WNT2B: variants seen among roughly 807,000 people sequenced by gnomAD.
WNT2B encodes the protein protein Wnt-2b.
Under a neutral mutation model 40.5 loss-of-function variants are expected in WNT2B, and 19 were observed. The observed-to-expected ratio is 0.47, with a 90% CI of 0.33 to 0.69. WNT2B has a LOEUF of 0.69. WNT2B is among the 30% of genes least tolerant of loss of function. The pLI is 0.02. For missense variants in WNT2B, 467 were observed against 556.4 expected (o/e 0.84, Z 1.62); for synonymous variants, 220 against 211.9 (o/e 1.04, Z -0.33).
At position 112,525,817 on chromosome 1, in the gene WNT2B, T is replaced by C; in HGVS notation, c.*5308T>C. 1.6e-6 allele frequency: 1 copy of C among 621,658 alleles called. No individual in the cohort carries two copies. The highest frequency in any genetic ancestry group is 3.0e-5 in the East Asian group (1 of 32,938). 38.5% of individuals were successfully genotyped at this position (621,658 alleles called of 1,614,324 possible). ...AAAAGGAAGACAATTTCATCTACAG[T>C]TGTCCTTTTTGACAGCTTCCAAGGG... On this transcript the variant is annotated 3_prime_UTR_variant, in exon 5 of 5. Transcript: ENST00000369684.
intron 1 of WNT2B, among the ~76,000 whole-genome samples, chr1:112,502,817 GGA>G (rs1336176150): frequency 6.6e-6 from 1 of 152,194 alleles, no homozygotes; most frequent in Non-Finnish European, 1.5e-5. Context: ...GGAAATTGGG[GGA>G]GAGGGGATTG....
rs779591512 is a variant in WNT2B at position 112,514,913 on chromosome 1, T to C, written c.222T>C (p.Asn74=). ...TGGGGGCACGAGTGATCTGTGACAA[T>C]ATCCCTGGTTTGGTGAGCCGGCAGC... ...GALGARVICD[N]IPGLVSRQRQ... The change falls in exon 2 of 5, where the codon AAT becomes AAC. Residue 74 remains asparagine, a synonymous_variant. Transcript: ENST00000369684. 9 of 1,614,200 alleles carry C rather than the reference T, an allele frequency of 5.6e-6. No homozygotes were observed. The highest frequency in any genetic ancestry group is 2.2e-5 in the East Asian group (1 of 44,886).
At chr1:112,487,617 G>T (rs1164867589) in intron 1 of WNT2B, among the ~76,000 whole-genome samples, 5 of 152,150 alleles carry the variant, frequency 3.3e-5, no homozygotes, top group African/African-American at 1.2e-4. Flanking sequence ...TATTGAAGTA[G>T]TTTGTGGAAA....
At chr1:112,516,083 G>C (rs1158646491) in intron 2 of WNT2B, 57 bp from the exon 3 acceptor site, 1 of 1,558,122 alleles carries the variant, frequency 6.4e-7, no homozygotes, top group African/African-American at 1.4e-5. Context: ...ATGGGCTGAA[G>C]AAGGGGACAG....
Position 112,525,833 on chromosome 1 carries a change from C to G in WNT2B, c.*5324C>G. On this transcript the variant is annotated 3_prime_UTR_variant, in exon 5 of 5. Transcript: ENST00000369684. ...CATCTACAGTTGTCCTTTTTGACAG[C>G]TTCCAAGGGGGGTTTGCCTAGGAAT... 1 of 743,488 alleles carries G rather than the reference C, an allele frequency of 1.3e-6. No homozygotes were observed. The highest frequency in any genetic ancestry group is 2.9e-5 in the South Asian group (1 of 34,222). 46.1% of individuals were successfully genotyped at this position (743,488 alleles called of 1,614,324 possible).
At chr1:112,512,721 C>T (rs1652398963) in intron 1 of WNT2B, among the ~76,000 whole-genome samples, 1 of 152,166 alleles carries the variant, frequency 6.6e-6, no homozygotes. Flanking sequence ...GTGCTTGGCA[C>T]ATGGTAGACA....
intron 4 of WNT2B, chr1:112,517,711 CA>C (rs1652629995): frequency 7.7e-6 from 2 of 259,464 alleles, no homozygotes; most frequent in South Asian, 2.1e-4. Context: ...GTGTGGGCTG[CA>C]CAGAAACATA....
In WNT2B at chr1:112,509,425, C is replaced by G; in HGVS notation, c.163C>G (p.Arg55Gly). ...CCTGCTGCTGCTGACGCTGCCGGCC[C>G]GCGTAGACACGTCCTGGTGGTAAGT... ...LLLLLLTLPA[R>G]VDTSWWYIGA... The change falls in exon 1 of 5, where the codon CGC becomes GGC. Residue 55 changes from arginine to glycine, a missense_variant. Coordinates refer to ENST00000369684, the MANE Select transcript of WNT2B (RefSeq NM_024494.3). The surrounding 1 kb of genome is among the most constrained non-coding windows in gnomAD (Gnocchi z 4.2). 6.3e-7 allele frequency: 1 copy of G among 1,591,738 alleles called. No individual in the cohort carries two copies. Among genetic ancestry groups the G allele is most frequent in the Non-Finnish European group, 8.5e-7 (1 of 1,175,738 alleles).
chr1:112,529,713 CAGA>C lies in WNT2B; in HGVS notation c.*9207_*9209del, dbSNP rs1351866019. 3.2e-5 allele frequency: 3 copies of C among 94,386 alleles called. No individual in the cohort carries two copies. Among genetic ancestry groups the C allele is most frequent in the African/African-American group, 8.3e-5 (2 of 24,104 alleles). The allele number at this position is 94,386 out of a possible 1,614,324, so 5.8% of individuals were successfully genotyped here. A position where few individuals can be genotyped will look rare whatever the true frequency, so the allele number is the denominator to read the frequency against. ...AATATGGAACTTGAGGCCAAAAAAA[CAGA>C]AGGTTACTCTCAATGCCATCCAAAA... is the stretch of plus-strand genomic sequence containing the variant. On this transcript the variant is annotated 3_prime_UTR_variant, in exon 5 of 5. Transcript: ENST00000369684.
At chr1:112,512,266 C>T (rs1652380850) in intron 1 of WNT2B, among the ~76,000 whole-genome samples, 1 of 152,306 alleles carries the variant, frequency 6.6e-6, no homozygotes, top group East Asian at 1.9e-4. Flanking sequence ...ATAGTGATTG[C>T]ATACCTACTA....
chr1:112,490,912 A>G, intron 1 of WNT2B: 1 of 1,231,164 alleles, frequency 8.1e-7, no homozygotes, highest in Non-Finnish European at 1.2e-6. Context: ...GATTCCCAAT[A>G]GCTCTACCCT....
At chr1:112,478,861 T>C (rs1651131203) in intron 1 of WNT2B, among the ~76,000 whole-genome samples, 1 of 151,936 alleles carries the variant, frequency 6.6e-6, no homozygotes, top group Admixed American at 6.6e-5. Flanking sequence ...TGTTTGAAGT[T>C]GCAGTGAGGC....
chr1:112,495,627 T>C (rs1321814902), intron 1 of WNT2B, among the ~76,000 whole-genome samples: 1 of 151,746 alleles, frequency 6.6e-6, no homozygotes, highest in Non-Finnish European at 1.5e-5. Flanking sequence ...CAATAATCAC[T>C]TTAAACCACA....
At chr1:112,491,703 T>C (rs1035034666) in intron 1 of WNT2B, among the ~76,000 whole-genome samples, 1 of 152,014 alleles carries the variant, frequency 6.6e-6, no homozygotes, top group East Asian at 1.9e-4. Context: ...CTATTCAACA[T>C]AGACCACATC....
At chr1:112,476,696 C>T (rs1239610686) in intron 1 of WNT2B, among the ~76,000 whole-genome samples, 2 of 152,190 alleles carry the variant, frequency 1.3e-5, no homozygotes, top group African/African-American at 2.4e-5. Context: ...CCAATGCAAA[C>T]ATTGACCACT....
Position 112,494,380 on chromosome 1 carries a change from A to G in WNT2B, c.-94-20494A>G, listed in dbSNP as rs542056924. ...AAGAAGAAAGCGGAGAAAAATATAT[A>G]TATTTTAAGACACGGTCTTGCTCTA... On this transcript the variant is annotated intron_variant, in intron 1 of 4. Coordinates refer to the WNT2B transcript ENST00000256640. Among the ~76,000 whole-genome samples, 36 of 151,316 alleles carry G rather than the reference A, an allele frequency of 2.4e-4. No individual in the cohort carries two copies. The South Asian group carries it at 4.8e-3, about 20-fold the overall frequency.
intron 1 of WNT2B, among the ~76,000 whole-genome samples, chr1:112,500,604 T>TA (rs199794299): frequency 7.3e-5 from 11 of 151,524 alleles, no homozygotes; most frequent in Non-Finnish European, 1.0e-4. Context: ...ACCCCGTCAC[T>TA]AAAAAAAATT....
At chr1:112,488,436 GCCTTCTTCCTTA>G in intron 1 of WNT2B, among the ~76,000 whole-genome samples, 1 of 71,210 alleles carries the variant, frequency 1.4e-5, no homozygotes, top group South Asian at 5.6e-4. Flanking sequence ...GATTAGATTG[GCCTTCTTCCTTA>G]CCTGCCTTAC....
chr1:112,517,605 G>A (rs1455184091), intron 4 of WNT2B, among the ~76,000 whole-genome samples: 3 of 152,214 alleles, frequency 2.0e-5, no homozygotes, highest in African/African-American at 7.2e-5. Context: ...GAGGCCTGAG[G>A]TCATGCATCG....
Sources: gnomAD v4.1 joint callset for allele counts (sites outside exome capture counted in the v4.1 genomes callset) on GRCh38, gnomAD v4.1.1 for gene constraint, Gnocchi (gnomAD v3.1) non-coding constraint, MANE v1.5 for transcripts, NCBI Gene and HGNC (gene_info 2026-07-23, HGNC 2026-07-21) for gene names.